Variants in PLA1A observed in about 807,000 individuals in gnomAD.
PLA1A encodes the protein phosphatidylserine-specific phospholipase A1alpha.
Under a neutral mutation model 49.4 loss-of-function variants are expected in PLA1A, and 47 were observed. The ratio of observed to expected loss-of-function variants is 0.95; its 90% CI spans 0.75 to 1.21. PLA1A has a LOEUF of 1.21. PLA1A is among the 50% of genes most tolerant of loss of function. The probability of loss-of-function intolerance (pLI) is 0.00; values close to 1 mark genes in which losing one functional copy is unlikely to be tolerated. For missense variants in PLA1A, 561 were observed against 563.9 expected (o/e 0.99, Z 0.05); for synonymous variants, 224 against 207.9 (o/e 1.08, Z -0.67).
At chr3:119,614,427 C>A (rs1482557200) in intron 5 of PLA1A, among the ~76,000 whole-genome samples, 1 of 151,882 alleles carries the variant, frequency 6.6e-6, no homozygotes. Flanking sequence ...CAAAGTGAAA[C>A]CCCGTCTCTA....
intron 2 of PLA1A, among the ~76,000 whole-genome samples, chr3:119,608,292 G>GAAAT (rs1560078937): frequency 7.1e-6 from 1 of 140,398 alleles, no homozygotes; most frequent in Admixed American, 7.1e-5. Flanking sequence ...AAGAAAGAAA[G>GAAAT]AAAGAAAAAG....
intron 5 of PLA1A, among the ~76,000 whole-genome samples, chr3:119,614,548 G>A (rs1028476644): frequency 1.4e-5 from 2 of 148,034 alleles, no homozygotes; most frequent in African/African-American, 5.0e-5. Flanking sequence ...AGAGCTTGCA[G>A]TGAGCGGAGA....
chr3:119,616,746 A>G (rs1313169439), intron 6 of PLA1A, among the ~76,000 whole-genome samples: 2 of 152,240 alleles, frequency 1.3e-5, no homozygotes, highest in Non-Finnish European at 2.9e-5. Context: ...CTACTGATCT[A>G]TTTTACCAAA....
intron 1 of PLA1A, among the ~76,000 whole-genome samples, chr3:119,606,091 T>G (rs1319834044): frequency 1.3e-5 from 2 of 152,188 alleles, no homozygotes; most frequent in African/African-American, 2.4e-5. Flanking sequence ...AGGGTTCTAT[T>G]TAGAATTCTC....
Position 119,615,971 on chromosome 3 carries a change from C to T in PLA1A, c.665-41C>T, listed in dbSNP as rs2082842318. On this transcript the variant is annotated intron_variant, in intron 5 of 10. Coordinates refer to ENST00000273371, the MANE Select transcript of PLA1A (RefSeq NM_015900.4). Reference sequence around the variant, plus strand: ...GTTTGAGGTCCGCTGTGAGCCGACCCCCTGAAGTAAGGAAGTTAATGGAGT... The same window carrying T: ...GTTTGAGGTCCGCTGTGAGCCGACCTCCTGAAGTAAGGAAGTTAATGGAGT... 4 of 1,342,306 alleles carry T rather than the reference C, an allele frequency of 3.0e-6. No individual in the cohort carries two copies. The African/African-American group carries it at 4.3e-5, about 14-fold the overall frequency. 83.1% of individuals were successfully genotyped at this position (1,342,306 alleles called of 1,614,324 possible).
Position 119,625,134 on chromosome 3 carries a change from C to T in PLA1A, c.1023C>T (p.Ser341=). The T allele has an allele frequency of 6.2e-7, 1 of 1,611,924 alleles. No homozygotes were observed. Among genetic ancestry groups the T allele is most frequent in the Non-Finnish European group, 8.5e-7 (1 of 1,178,052 alleles). The stretch of plus-strand genomic sequence containing the variant: ...GCTTTGGTTTCCTAGTGCATCACAG[C>T]CTCGTGGAGTTTCACTTGAAGGAAC... ...TSSAPYCMHH[S]LVEFHLKELR... Residue 341 remains serine (S), a synonymous_variant, in exon 9 of 11, where the codon AGC becomes AGT. Transcript: ENST00000273371.
chr3:119,620,566 G>A (rs1356250203), intron 8 of PLA1A, among the ~76,000 whole-genome samples: 1 of 152,164 alleles, frequency 6.6e-6, no homozygotes, highest in Non-Finnish European at 1.5e-5. Flanking sequence ...ATATCCTTAT[G>A]TGAAAATGGG....
At chr3:119,603,943 A>T (rs1485240784) in intron 1 of PLA1A, among the ~76,000 whole-genome samples, 1 of 152,258 alleles carries the variant, frequency 6.6e-6, no homozygotes, top group Non-Finnish European at 1.5e-5. Context: ...GAGCTTCTGT[A>T]GGAACTCAAC....
chr3:119,612,201 T>C (rs2692614), intron 4 of PLA1A, among the ~76,000 whole-genome samples: 45,725 of 152,064 alleles, frequency 0.3, 8,855 homozygotes, highest in African/African-American at 0.54. Flanking sequence ...CCTATTTTCC[T>C]ACTCCCTCAC....
chr3:119,613,001 C>G lies in PLA1A; in HGVS notation c.563-16C>G. The stretch of plus-strand genomic sequence containing the variant: ...CTGAGAGGAAAGAGGTCCCTCATAT[C>G]AGTCTCTTCTCACAGGCCTGGACCC... On this transcript the variant is annotated splice_polypyrimidine_tract_variant and intron_variant, in intron 4 of 10. Transcript: ENST00000273371. The G allele has an allele frequency of 6.6e-7, 1 of 1,511,022 alleles. No homozygotes were observed. The highest frequency in any genetic ancestry group is 2.4e-5 in the East Asian group (1 of 41,992). The allele number at this position is 1,511,022 out of a possible 1,614,324, so 93.6% of individuals were successfully genotyped here.
At chr3:119,609,408 C>T in intron 3 of PLA1A, 60 bp from the exon 4 acceptor site, 2 of 1,037,268 alleles carry the variant, frequency 1.9e-6, no homozygotes, top group Non-Finnish European at 3.1e-6. Context: ...GGAAAGCCTG[C>T]CACTGTGAAG....
chr3:119,613,457 G>A (rs1030261128), intron 5 of PLA1A, among the ~76,000 whole-genome samples: 6 of 152,222 alleles, frequency 3.9e-5, no homozygotes, highest in African/African-American at 4.8e-5. Context: ...GCTGACTTAC[G>A]GGAAAGTCAT....
intron 9 of PLA1A, among the ~76,000 whole-genome samples, chr3:119,626,262 T>C (rs2052534780): frequency 6.6e-6 from 1 of 152,198 alleles, no homozygotes; most frequent in Admixed American, 6.5e-5. Flanking sequence ...CTGAGCATGC[T>C]TCCACTGGGT....
At chr3:119,603,345 C>T (rs1377694664) in intron 1 of PLA1A, among the ~76,000 whole-genome samples, 1 of 152,164 alleles carries the variant, frequency 6.6e-6, no homozygotes, top group Non-Finnish European at 1.5e-5. Flanking sequence ...GTCAAGCCAA[C>T]AGAACTTACC....
chr3:119,614,154 GA>G (rs1044214231), intron 5 of PLA1A, among the ~76,000 whole-genome samples: 2 of 152,200 alleles, frequency 1.3e-5, no homozygotes, highest in African/African-American at 4.8e-5. Flanking sequence ...CCTGTGGTCA[GA>G]AGCCTCTTTT....
At chr3:119,608,351 C>T (rs1427722190) in intron 2 of PLA1A, among the ~76,000 whole-genome samples, 3 of 152,134 alleles carry the variant, frequency 2.0e-5, no homozygotes, top group East Asian at 1.9e-4. Context: ...GAATTAAGAT[C>T]GCAAATCTTA....
At chr3:119,617,918 T>C in intron 6 of PLA1A, 101 bp from the exon 7 acceptor site, 1 of 897,084 alleles carries the variant, frequency 1.1e-6, no homozygotes, top group East Asian at 2.5e-5. Context: ...ATGCATGTAT[T>C]TACAGCTTGC....
chr3:119,599,596 G>A (rs927987006), intron 1 of PLA1A, among the ~76,000 whole-genome samples: 4 of 152,182 alleles, frequency 2.6e-5, no homozygotes, highest in African/African-American at 9.7e-5. Flanking sequence ...ACACAGATAA[G>A]AGAAGCTCAG....
intron 2 of PLA1A, among the ~76,000 whole-genome samples, chr3:119,608,230 G>GAA (rs1445174162): frequency 1.8e-3 from 134 of 74,818 alleles, no homozygotes; most frequent in East Asian, 5.9e-3. Context: ...AAGAAAGAGA[G>GAA]AGAAAGAAAG....
Sources: gnomAD v4.1 joint callset for allele counts (sites outside exome capture counted in the v4.1 genomes callset) on GRCh38, gnomAD v4.1.1 for gene constraint, MANE v1.5 for transcripts, NCBI Gene and HGNC (gene_info 2026-07-23, HGNC 2026-07-21) for gene names.